The following CLDN16 variants were observed in gnomAD, a reference collection of about 807,000 sequenced individuals.
CLDN16 encodes the protein claudin 16, also known as claudin-16.
CLDN16 carries 13 observed loss-of-function variants against 24.6 expected under a neutral mutation model. The observed-to-expected ratio is 0.53, with a 90% CI of 0.34 to 0.84. CLDN16 has a LOEUF of 0.84. Among genes scored for constraint, CLDN16 ranks in the 40% least tolerant of loss-of-function variants. The pLI is 0.01. For missense variants in CLDN16, 298 were observed against 292.7 expected (o/e 1.02, Z -0.13); for synonymous variants, 116 against 106.7 (o/e 1.09, Z -0.54).
upstream of CLDN16, among the ~76,000 whole-genome samples, chr3:190,386,118 GC>G (rs1223966235): frequency 6.6e-6 from 1 of 152,024 alleles, no homozygotes; most frequent in African/African-American, 2.4e-5. Context: ...AAGGGCATGT[GC>G]TTTTGGAATT....
chr3:190,389,410 A>G (rs529158260), intron 1 of CLDN16, among the ~76,000 whole-genome samples: 1 of 152,244 alleles, frequency 6.6e-6, no homozygotes, highest in Non-Finnish European at 1.5e-5. Flanking sequence ...TAAGAAAGAT[A>G]CTCGACTGAG....
intron 1 of CLDN16, among the ~76,000 whole-genome samples, chr3:190,360,660 A>AT (rs1323747605): frequency 2.0e-5 from 3 of 151,278 alleles, no homozygotes; most frequent in South Asian, 2.1e-4. Context: ...TTTTTTTCCC[A>AT]TTCTATTCTT....
chr3:190,317,869 G>A (rs1411631993), upstream of CLDN16, among the ~76,000 whole-genome samples: 1 of 152,188 alleles, frequency 6.6e-6, no homozygotes, highest in Non-Finnish European at 1.5e-5. Flanking sequence ...AACCTGTGTT[G>A]TTCAAATGTT....
At chr3:190,381,800 T>G (rs1021198752) in intron 3 of CLDN16, among the ~76,000 whole-genome samples, 2 of 152,046 alleles carry the variant, frequency 1.3e-5, no homozygotes, top group Non-Finnish European at 2.9e-5. Context: ...CCTAACAGTT[T>G]ATAGAGAGTA....
At chr3:190,347,558 T>A (rs1226959669) in intron 1 of CLDN16, among the ~76,000 whole-genome samples, 1 of 152,190 alleles carries the variant, frequency 6.6e-6, no homozygotes, top group Non-Finnish European at 1.5e-5. Context: ...TCAATTATTA[T>A]CTTAGGTATC....
At chr3:190,386,097 C>A (rs1238721532), upstream of CLDN16, among the ~76,000 whole-genome samples, 2 of 152,128 alleles carry the variant, frequency 1.3e-5, no homozygotes, top group Non-Finnish European at 2.9e-5. Context: ...AAGTCCAGGA[C>A]TTTTCCTGCA....
At chr3:190,294,521 A>C in the CLDN16 span, among the ~76,000 whole-genome samples, 1 of 152,154 alleles carries the variant, frequency 6.6e-6, no homozygotes, top group Non-Finnish European at 1.5e-5. Flanking sequence ...TTTTTAAATA[A>C]GGAGAGTTTT....
chr3:190,383,996 T>C (rs1288831018), upstream of CLDN16, among the ~76,000 whole-genome samples: 1 of 152,184 alleles, frequency 6.6e-6, no homozygotes, highest in Non-Finnish European at 1.5e-5. Context: ...TCTCATTTTA[T>C]TGACAAGAAG....
At chr3:190,325,044 T>A (rs148724654) in intron 1 of CLDN16, among the ~76,000 whole-genome samples, 2 of 152,298 alleles carry the variant, frequency 1.3e-5, no homozygotes, top group African/African-American at 4.8e-5. Context: ...ATAAAAGGGA[T>A]GGGGTTAATT....
chr3:190,299,760 A>G, the CLDN16 span, among the ~76,000 whole-genome samples: 1 of 152,096 alleles, frequency 6.6e-6, no homozygotes, highest in Non-Finnish European at 1.5e-5. Context: ...TGTACTCTCT[A>G]TTCTATCCCA....
chr3:190,339,380 T>A (rs1717380284), intron 1 of CLDN16, among the ~76,000 whole-genome samples: 1 of 152,198 alleles, frequency 6.6e-6, no homozygotes, highest in African/African-American at 2.4e-5. Flanking sequence ...CATTTGTGTG[T>A]GACATTGGTT....
intron 2 of CLDN16, among the ~76,000 whole-genome samples, chr3:190,402,920 CAG>C (rs934754519): frequency 1.3e-5 from 2 of 152,020 alleles, no homozygotes; most frequent in African/African-American, 4.8e-5. Context: ...GGCAGACAGC[CAG>C]AGAGAGAGAC....
At position 190,380,306 on chromosome 3, in the gene CLDN16, T is replaced by C. The variant is rs76804545; in HGVS notation, n.306+5703T>C. ...TGGTTATAGACTAATAAACATCATC[T>C]AGAGGTATCAAATATATAGAAAGCT... On this transcript the variant is annotated intron_variant and non_coding_transcript_variant, in intron 3 of 4. Transcript: ENST00000468220. Among the ~76,000 whole-genome samples the C allele has an allele frequency of 8.0e-5, 12 of 150,380 alleles. No individual in the cohort carries two copies. The East Asian group carries it at 2.3e-3, about 29-fold the overall frequency.
rs185339275 is a variant in CLDN16 at position 190,359,606 on chromosome 3, T to C, written n.122-11287T>C. ...ATTAGTACTAAGTACAAAGAGGATA[T>C]ACAATGCTCAATAAAACCCTGTTCC... On this transcript the variant is annotated intron_variant and non_coding_transcript_variant, in intron 1 of 4. Transcript: ENST00000468220. 5.9e-5 allele frequency among the ~76,000 whole-genome samples: 9 copies of C among 152,146 alleles called. No homozygotes were observed. The East Asian group carries it at 9.7e-4, about 16-fold the overall frequency.
At chr3:190,297,478 T>C in the CLDN16 span, among the ~76,000 whole-genome samples, 1 of 126,926 alleles carries the variant, frequency 7.9e-6, no homozygotes. Flanking sequence ...TTATATTATC[T>C]ATATATTATA....
At chr3:190,344,599 A>G (rs1278974009) in intron 1 of CLDN16, among the ~76,000 whole-genome samples, 1 of 151,982 alleles carries the variant, frequency 6.6e-6, no homozygotes, top group Admixed American at 6.6e-5. Flanking sequence ...ATATGTATGT[A>G]TACTTTTAGT....
intron 1 of CLDN16, among the ~76,000 whole-genome samples, chr3:190,330,733 G>A (rs1577397400): frequency 6.6e-6 from 1 of 152,064 alleles, no homozygotes; most frequent in Admixed American, 6.6e-5. Context: ...TTTTACAATG[G>A]AACAAGTTGC....
chr3:190,394,788 T>C (rs1718773861), intron 1 of CLDN16, among the ~76,000 whole-genome samples: 1 of 152,172 alleles, frequency 6.6e-6, no homozygotes, highest in Non-Finnish European at 1.5e-5. Flanking sequence ...AGTATGTCTG[T>C]AATGAAATGA....
upstream of CLDN16, among the ~76,000 whole-genome samples, chr3:190,319,741 T>A (rs1404417767): frequency 6.6e-6 from 1 of 152,206 alleles, no homozygotes; most frequent in Non-Finnish European, 1.5e-5. Flanking sequence ...TGCTTAAATA[T>A]ACACACATAA....
Sources: gnomAD v4.1 joint callset for allele counts (sites outside exome capture counted in the v4.1 genomes callset) on GRCh38, gnomAD v4.1.1 for gene constraint, MANE v1.5 for transcripts, NCBI Gene and HGNC (gene_info 2026-07-23, HGNC 2026-07-21) for gene names.